TNFAIP8: variants seen among roughly 807,000 people sequenced by gnomAD.
The protein encoded by TNFAIP8 is TNF alpha induced protein 8.
In TNFAIP8, 7 loss-of-function variants were observed where a neutral mutation model predicts 13.3. The ratio of observed to expected loss-of-function variants is 0.52; its 90% confidence interval spans 0.30 to 0.99. The LOEUF (loss-of-function observed/expected upper bound fraction) is 0.99, where lower values mean the gene tolerates loss of function less well. Among genes scored for constraint, TNFAIP8 ranks in the 50% least tolerant of loss-of-function variants. The pLI is 0.07. For synonymous variants in TNFAIP8, 94 were observed against 87.6 expected, an observed-to-expected ratio of 1.07 and a Z score of -0.41; for missense variants, 258 against 236.9, an observed-to-expected ratio of 1.09 and a Z score of -0.58.
At chr5:119,380,832 T>A (rs1438248312) in intron 1 of TNFAIP8, among the ~76,000 whole-genome samples, 1 of 152,202 alleles carries the variant, frequency 6.6e-6, no homozygotes, top group Non-Finnish European at 1.5e-5. Context: ...CTTTATCAAA[T>A]TTTTTTAAAT....
At chr5:119,366,787 G>C (rs1751873745) in intron 1 of TNFAIP8, among the ~76,000 whole-genome samples, 1 of 152,174 alleles carries the variant, frequency 6.6e-6, no homozygotes, top group African/African-American at 2.4e-5. Flanking sequence ...GGGTAGAACT[G>C]GTTTAAATTA....
chr5:119,335,319 A>AAATT (rs1750519432), intron 1 of TNFAIP8, among the ~76,000 whole-genome samples: 1 of 152,154 alleles, frequency 6.6e-6, no homozygotes, highest in African/African-American at 2.4e-5. Flanking sequence ...TGCTCTCCCC[A>AAATT]AATCACATTA....
At chr5:119,344,540 G>C (rs1393946461) in intron 1 of TNFAIP8, among the ~76,000 whole-genome samples, 1 of 152,188 alleles carries the variant, frequency 6.6e-6, no homozygotes, top group Non-Finnish European at 1.5e-5. Context: ...TTGCCTTCAT[G>C]GGTGCAAGGA....
chr5:119,354,633 CTTAT>C (rs900594430), upstream of TNFAIP8: 1 of 152,068 alleles, frequency 6.6e-6, no homozygotes, highest in Non-Finnish European at 1.5e-5. Context: ...CTTATATTAC[CTTAT>C]TTAATACAGA....
chr5:119,305,959 C>G (rs941775502), intron 1 of TNFAIP8, among the ~76,000 whole-genome samples: 7 of 152,304 alleles, frequency 4.6e-5, no homozygotes, highest in Admixed American at 4.6e-4. Context: ...CTTCTGGCCA[C>G]CCTCCAGTGT....
chr5:119,292,180 C>T (rs59085117), intron 1 of TNFAIP8, among the ~76,000 whole-genome samples: 8,445 of 151,910 alleles, frequency 0.056, 528 homozygotes, highest in African/African-American at 0.15. Context: ...AAGGGGAGCC[C>T]CAGAAGGACT....
intron 1 of TNFAIP8, among the ~76,000 whole-genome samples, chr5:119,310,068 A>G (rs1176212190): frequency 3.9e-5 from 6 of 152,180 alleles, no homozygotes; most frequent in Non-Finnish European, 1.5e-5. Flanking sequence ...TCTTCTGTCC[A>G]TCTTTGATTT....
intron 1 of TNFAIP8, among the ~76,000 whole-genome samples, chr5:119,359,710 G>A (rs1472762542): frequency 2.0e-5 from 3 of 152,156 alleles, no homozygotes; most frequent in African/African-American, 4.8e-5. Flanking sequence ...CATCACTAAG[G>A]ACTATTTTGT....
At chr5:119,326,121 G>A (rs1024205997) in intron 1 of TNFAIP8, among the ~76,000 whole-genome samples, 38 of 152,192 alleles carry the variant, frequency 2.5e-4, no homozygotes, top group African/African-American at 9.2e-4. Flanking sequence ...CTACCATTCA[G>A]TAGGTACTAG....
chr5:119,282,717 G>A (rs1397009699), intron 1 of TNFAIP8, among the ~76,000 whole-genome samples: 2 of 152,126 alleles, frequency 1.3e-5, no homozygotes, highest in African/African-American at 2.4e-5. Flanking sequence ...CAGCCTCTCT[G>A]TGACCTTCCT....
intron 1 of TNFAIP8, among the ~76,000 whole-genome samples, chr5:119,368,547 A>C (rs1443662054): frequency 6.6e-6 from 1 of 152,012 alleles, no homozygotes; most frequent in South Asian, 2.1e-4. Context: ...ATTAGATGAG[A>C]GTGTCTACAA....
intron 1 of TNFAIP8, among the ~76,000 whole-genome samples, chr5:119,345,917 A>G (rs1345339835): frequency 2.0e-5 from 3 of 152,252 alleles, no homozygotes; most frequent in Non-Finnish European, 4.4e-5. Context: ...AACTGTTAAG[A>G]AAAAGAGAAG....
chr5:119,298,925 A>C, intron 1 of TNFAIP8, among the ~76,000 whole-genome samples: 1 of 152,048 alleles, frequency 6.6e-6, no homozygotes, highest in Admixed American at 6.5e-5. Context: ...TGCATTCTTC[A>C]TGTAGTTCTC....
chr5:119,314,526 A>T (rs1311670405), intron 1 of TNFAIP8, among the ~76,000 whole-genome samples: 1 of 152,200 alleles, frequency 6.6e-6, no homozygotes, highest in Non-Finnish European at 1.5e-5. Flanking sequence ...CATCCTCTCC[A>T]TATCCACAAA....
intron 1 of TNFAIP8, among the ~76,000 whole-genome samples, chr5:119,345,351 A>G (rs1750862985): frequency 6.6e-6 from 1 of 152,218 alleles, no homozygotes; most frequent in Non-Finnish European, 1.5e-5. Context: ...TAGAATTACC[A>G]TATGATTTAG....
At chr5:119,278,347 A>AAG (rs149177833) in intron 1 of TNFAIP8, among the ~76,000 whole-genome samples, 93,035 of 100,476 alleles carry the variant, frequency 0.93, 43,017 homozygotes, top group East Asian at 0.98. Context: ...TTAAGACAGG[A>AAG]AGGGGGAGAG....
At chr5:119,361,736 A>C (rs1007866996) in intron 1 of TNFAIP8, among the ~76,000 whole-genome samples, 2 of 152,174 alleles carry the variant, frequency 1.3e-5, no homozygotes, top group Non-Finnish European at 2.9e-5. Context: ...GTGCCAGCTC[A>C]CCTGGCTTCA....
At chr5:119,392,147 C>G (rs565285977) in intron 1 of TNFAIP8, among the ~76,000 whole-genome samples, 1 of 152,208 alleles carries the variant, frequency 6.6e-6, no homozygotes, top group Non-Finnish European at 1.5e-5. Context: ...TTTCAACACT[C>G]GACTTCTGGA....
intron 1 of TNFAIP8, among the ~76,000 whole-genome samples, chr5:119,313,559 G>A (rs1295976018): frequency 6.6e-6 from 1 of 152,176 alleles, no homozygotes; most frequent in East Asian, 1.9e-4. Context: ...CAACAGGGAA[G>A]ATATGCATTT....
Sources: allele counts gnomAD v4.1 joint callset (sites outside exome capture counted in the v4.1 genomes callset), GRCh38; gene constraint gnomAD v4.1.1; transcripts MANE v1.5; gene names NCBI Gene and HGNC (gene_info 2026-07-23, HGNC 2026-07-21).